Variants in OSGEP observed in about 807,000 individuals in gnomAD.
OSGEP encodes tRNA N6-adenosine threonylcarbamoyltransferase.
In OSGEP, 39 loss-of-function variants were observed where a neutral mutation model predicts 44.1. The observed-to-expected ratio is 0.88, with a 90% CI of 0.69 to 1.16. The LOEUF (loss-of-function observed/expected upper bound fraction) is 1.16. OSGEP is among the 50% of genes most tolerant of loss of function. The pLI is 0.00. For synonymous variants in OSGEP, 139 were observed against 161.9 expected, an observed-to-expected ratio of 0.86 and a Z score of 1.07; for missense variants, 403 against 443.1, an observed-to-expected ratio of 0.91 and a Z score of 0.81.
At position 20,447,938 on chromosome 14, in the gene OSGEP, G is replaced by A. The variant is rs1335518624; in HGVS notation, c.759C>T (p.Gly253=). ...EITERAMAHC[G]SQEALIVGGV... is the part of the protein sequence containing the mutation. ...CTCCCACAATGAGGGCCTCCTGGGA[G>A]CCACAATGTGCCATGGCTCGCTCTG... The change falls in exon 8 of 11, where the codon GGC becomes GGT. Residue 253 remains glycine, a synonymous_variant. Transcript: ENST00000206542. 2 of 1,613,718 alleles carry A rather than the reference G, an allele frequency of 1.2e-6. No homozygotes were observed. The highest frequency in any genetic ancestry group is 1.7e-6 in the Non-Finnish European group (2 of 1,179,570).
intron 1 of OSGEP, 40 bp from the exon 2 acceptor site, chr14:20,452,488 T>C (rs760096459): frequency 6.2e-7 from 1 of 1,607,982 alleles, no homozygotes; most frequent in Non-Finnish European, 8.5e-7. Context: ...AGGGATTTTC[T>C]GTAGCAAAGG....
Position 20,448,172 on chromosome 14 carries a change from C to T in OSGEP, c.637-1G>A, listed in dbSNP as rs1056985917. The T allele has an allele frequency of 1.9e-6, 3 of 1,611,828 alleles. No individual in the cohort carries two copies. In the African/African-American group the frequency reaches 4.0e-5, roughly 22 times the overall value. Reference sequence around the variant, plus strand: ...TGGCCAGCATCCGATGGGCTACATCCTACAATTAAAGGGAAAAACAAAAGA... The same window carrying T: ...TGGCCAGCATCCGATGGGCTACATCTTACAATTAAAGGGAAAAACAAAAGA... On this transcript the variant is annotated splice_acceptor_variant, in intron 6 of 10. Transcript: ENST00000206542. LOFTEE classifies it high-confidence loss of function.
Position 20,448,163 on chromosome 14 carries a change from G to A in OSGEP, c.645C>T (p.Ala215=). The change falls in exon 7 of 11, where the codon GCC becomes GCT. Residue 215 remains alanine (A), a synonymous_variant. Transcript: ENST00000206542. The part of the protein sequence containing the change: ...SGILSFIEDV[A]HRMLATGECT... ...ACTCGCCTGTGGCCAGCATCCGATG[G>A]GCTACATCCTACAATTAAAGGGAAA... The A allele has an allele frequency of 1.2e-6, 2 of 1,612,600 alleles. No homozygotes were observed. Among genetic ancestry groups the A allele is most frequent in the Non-Finnish European group, 1.7e-6 (2 of 1,178,652 alleles).
chr14:20,448,312 C>G (rs1009117219), intron 6 of OSGEP, 141 bp from the exon 7 acceptor site: 2 of 752,868 alleles, frequency 2.7e-6, no homozygotes, highest in Non-Finnish European at 2.4e-6. Flanking sequence ...ATTCCCTTCA[C>G]TGGCATCATG....
At chr14:20,448,035 C>A in intron 7 of OSGEP, 41 bp from the exon 8 acceptor site, 1 of 1,587,674 alleles carries the variant, frequency 6.3e-7, no homozygotes, top group East Asian at 2.2e-5. Flanking sequence ...GAGGGGCATC[C>A]CAGATTAGTT....
intron 2 of OSGEP, 27 bp downstream of exon 2, chr14:20,452,302 C>T: frequency 6.2e-7 from 1 of 1,612,116 alleles, no homozygotes. Flanking sequence ...TATATTCCTC[C>T]ATCGTTGACC....
Position 20,449,259 on chromosome 14 carries a change from G to A in OSGEP, c.419C>T (p.Ala140Val). ...GATACGGTAACGATGTTCCGAGTAT[G>A]CAATCACCTAAGGGTGATGAGGAAG... is the stretch of plus-strand genomic sequence containing the variant. The part of the protein sequence containing the change: ...YVSGGNTQVI[A>V]YSEHRYRIFG... Residue 140 changes from alanine to valine, a missense_variant, in exon 4 of 11, where the codon GCA (alanine) becomes GTA (valine). Ala to Val is a moderately conservative substitution (Grantham distance 64, BLOSUM62 0). Coordinates refer to ENST00000206542, the MANE Select transcript of OSGEP (RefSeq NM_017807.4). The A allele has an allele frequency of 6.3e-7, 1 of 1,597,752 alleles. No individual in the cohort carries two copies. The highest frequency in any genetic ancestry group is 2.2e-5 in the East Asian group (1 of 44,810).
intron 3 of OSGEP, chr14:20,449,983 G>A (rs986460355): frequency 1.3e-5 from 2 of 152,020 alleles, no homozygotes; most frequent in African/African-American, 4.8e-5. Flanking sequence ...ATCTCATATG[G>A]AGTCAGACTA....
chr14:20,454,527 G>T, intron 1 of OSGEP, 42 bp downstream of exon 1: 1 of 1,291,574 alleles, frequency 7.7e-7, no homozygotes, highest in Non-Finnish European at 1.1e-6. Flanking sequence ...GATTCTGTGC[G>T]GGGAAGTGCG....
chr14:20,454,600 C>G lies in OSGEP; in HGVS notation c.84G>C (p.Pro28=). 1 of 1,614,130 alleles carries G rather than the reference C, an allele frequency of 6.2e-7. No homozygotes were observed. The highest frequency in any genetic ancestry group is 1.1e-5 in the South Asian group (1 of 91,084). ...CAGGAGGCGTGACGTAAGTCCGCCGCGGGTTCGCCAGCACCTTGCCATCCC... is the reference window on the plus strand; with the variant it reads ...CAGGAGGCGTGACGTAAGTCCGCCGGGGGTTCGCCAGCACCTTGCCATCCC... The part of the protein sequence containing the change: ...VVRDGKVLAN[P]RRTYVTPPGT... The change falls in exon 1 of 11, where the codon CCG becomes CCC. Residue 28 remains proline, a synonymous_variant. Coordinates refer to ENST00000206542, the MANE Select transcript of OSGEP (RefSeq NM_017807.4).
chr14:20,448,772 C>T lies in OSGEP; in HGVS notation c.597G>A (p.Gly199=), dbSNP rs117300664. Residue 199 remains glycine (G), a synonymous_variant, in exon 6 of 11, where the codon GGG becomes GGA. Transcript: ENST00000206542. ...GGATCCCTGAGAATGAGACGTCCAT[C>T]CCCTTTACAGTGTATGGCAGCTCAA... is the stretch of plus-strand genomic sequence containing the variant. ...KLVELPYTVK[G]MDVSFSGILS... 21,778 of 1,612,608 alleles carry T rather than the reference C, an allele frequency of 0.014. 193 individuals are homozygous for T. The highest frequency in any genetic ancestry group is 0.016 in the Non-Finnish European group (19,143 of 1,178,574).
At chr14:20,449,409 T>C (rs1881038681) in intron 3 of OSGEP, 143 bp from the exon 4 acceptor site, 3 of 646,046 alleles carry the variant, frequency 4.6e-6, no homozygotes, top group South Asian at 3.5e-5. Flanking sequence ...AAATGGTGAA[T>C]GGGTAGTTTT....
rs142264120 is a variant in OSGEP at position 20,448,059 on chromosome 14, T to C, written c.702+47A>G. 1.2e-4 allele frequency: 193 copies of C among 1,592,764 alleles called. 1 individual carries two copies. In the East Asian group the frequency reaches 4.3e-3, roughly 35 times the overall value. ...CCCAGATTAGTTCTGCTCTACAATATAAAACCTTCAGCCCCAACTTTCTGT... is the reference window on the plus strand; with the variant it reads ...CCCAGATTAGTTCTGCTCTACAATACAAAACCTTCAGCCCCAACTTTCTGT... On this transcript the variant is annotated intron_variant, in intron 7 of 10. Coordinates refer to ENST00000206542, the MANE Select transcript of OSGEP (RefSeq NM_017807.4).
chr14:20,449,073 G>A (rs1374736159), intron 4 of OSGEP, 60 bp from the exon 5 acceptor site: 5 of 1,501,792 alleles, frequency 3.3e-6, no homozygotes, highest in African/African-American at 2.8e-5. Flanking sequence ...AGATATGCAG[G>A]AAGCATAAGA....
At chr14:20,452,254 G>A (rs1881122219) in intron 2 of OSGEP, 75 bp downstream of exon 2, 1 of 1,595,706 alleles carries the variant, frequency 6.3e-7, no homozygotes, top group Non-Finnish European at 8.6e-7. Context: ...GGTGGCAGAG[G>A]TAAGGTGTTG....
rs1881218107 is a variant in OSGEP, at chr14:20,454,620, C to T, written c.64G>A (p.Gly22Ser). Reference protein sequence around the residue: ...NKIGVGVVRDGKVLANPRRTY... With the variant: ...NKIGVGVVRDSKVLANPRRTY... ...CGCCGCGGGTTCGCCAGCACCTTGC[C>T]ATCCCGCACCACGCCCACGCCAATC... Residue 22 changes from glycine to serine, a missense_variant, in exon 1 of 11, where the codon GGC becomes AGC. Coordinates refer to ENST00000206542, the MANE Select transcript of OSGEP (RefSeq NM_017807.4). 1 of 1,614,228 alleles carries T rather than the reference C, an allele frequency of 6.2e-7. No homozygotes were observed. The highest frequency in any genetic ancestry group is 8.5e-7 in the Non-Finnish European group (1 of 1,180,034).
In OSGEP at chr14:20,447,908, C is replaced by G. The variant is rs1440747165; in HGVS notation, c.789G>C (p.Val263=). ...ACACTTTTCAATAATACATACACCC[C>G]ACTCCTCCCACAATGAGGGCCTCCT... ...GSQEALIVGG[V]GCNVRLQEMM... The change falls in exon 8 of 11, where the codon GTG becomes GTC. Residue 263 remains valine, a synonymous_variant. Coordinates refer to ENST00000206542, the MANE Select transcript of OSGEP (RefSeq NM_017807.4). The G allele has an allele frequency of 6.2e-7, 1 of 1,601,828 alleles. No homozygotes were observed.
chr14:20,449,389 G>A, intron 3 of OSGEP, 123 bp from the exon 4 acceptor site: 1 of 686,886 alleles, frequency 1.5e-6, no homozygotes, highest in South Asian at 1.6e-5. Context: ...GTGGAAGAAA[G>A]GTGTTTCCCA....
Position 20,454,746 on chromosome 14 carries a change from C to G in OSGEP, c.-63G>C. ...CAATGTCAGGAGCTGTGGAGGTCCT[C>G]ACTAGTCCGCGCTGGGCCGCAGCTT... On this transcript the variant is annotated 5_prime_UTR_variant, in exon 1 of 11. Coordinates refer to ENST00000206542, the MANE Select transcript of OSGEP (RefSeq NM_017807.4). The G allele has an allele frequency of 1.6e-6, 2 of 1,217,938 alleles. No individual in the cohort carries two copies. Among genetic ancestry groups the G allele is most frequent in the Non-Finnish European group, 2.4e-6 (2 of 832,432 alleles). The allele number at this position is 1,217,938 out of a possible 1,614,324, so 75.4% of individuals were successfully genotyped here. A position where few individuals can be genotyped will look rare whatever the true frequency, so the allele number is the denominator to read the frequency against.
Sources: gnomAD v4.1 joint callset for allele counts on GRCh38, gnomAD v4.1.1 for gene constraint, MANE v1.5 for transcripts, NCBI Gene and HGNC (gene_info 2026-07-23, HGNC 2026-07-21) for gene names.